The following PLCXD3 variants were observed in gnomAD, a reference collection of about 807,000 sequenced individuals.
PLCXD3 encodes PI-PLC X domain-containing protein 3.
A neutral mutation model predicts 25.5 loss-of-function variants in PLCXD3; 19 were observed. The ratio of observed to expected loss-of-function variants is 0.75; its 90% CI spans 0.52 to 1.09. The LOEUF is 1.09. Among genes scored for constraint, PLCXD3 ranks in the 50% least tolerant of loss-of-function variants. The pLI is 0.00. For missense variants in PLCXD3, 411 were observed against 388.1 expected, an observed-to-expected ratio of 1.06 and a Z score of -0.50; for synonymous variants, 174 against 137.6, an observed-to-expected ratio of 1.26 and a Z score of -1.85.
intron 1 of PLCXD3, among the ~76,000 whole-genome samples, chr5:41,489,322 G>C (rs1748597060): frequency 6.6e-6 from 1 of 152,054 alleles, no homozygotes; most frequent in South Asian, 2.1e-4. Flanking sequence ...ATGCTGTTTT[G>C]GTTACTGTAG....
chr5:41,318,974 C>G (rs1743381204), intron 2 of PLCXD3, among the ~76,000 whole-genome samples: 2 of 152,122 alleles, frequency 1.3e-5, no homozygotes, highest in Admixed American at 1.3e-4. Context: ...ATACTTATAT[C>G]AGACAAAATA....
At chr5:41,340,914 C>A (rs558714594) in intron 2 of PLCXD3, among the ~76,000 whole-genome samples, 2 of 152,070 alleles carry the variant, frequency 1.3e-5, no homozygotes, top group African/African-American at 2.4e-5. Flanking sequence ...AGGTCTTACT[C>A]CTGGCATTGA....
intron 2 of PLCXD3, among the ~76,000 whole-genome samples, chr5:41,317,858 C>A (rs111362065): frequency 1.1e-4 from 17 of 151,738 alleles, no homozygotes; most frequent in Non-Finnish European, 2.4e-4. Flanking sequence ...TGAAGCATGC[C>A]TACAGGATGC....
intron 2 of PLCXD3, among the ~76,000 whole-genome samples, chr5:41,378,083 A>G (rs926606266): frequency 2.0e-5 from 3 of 152,126 alleles, no homozygotes; most frequent in African/African-American, 7.2e-5. Context: ...CATAGGCTTC[A>G]TCACTTGGTA....
chr5:41,425,286 T>A (rs897097291), intron 1 of PLCXD3, among the ~76,000 whole-genome samples: 2 of 152,150 alleles, frequency 1.3e-5, no homozygotes, highest in Admixed American at 6.5e-5. Flanking sequence ...TAAAAGTGAA[T>A]CTGTCTCTTG....
chr5:41,380,153 T>G (rs1041805091), intron 2 of PLCXD3, among the ~76,000 whole-genome samples: 1 of 152,094 alleles, frequency 6.6e-6, no homozygotes, highest in East Asian at 1.9e-4. Context: ...TTACTCATGC[T>G]TTAAATTCAG....
In PLCXD3 at chr5:41,313,753, A is replaced by C; in HGVS notation, c.830T>G (p.Met277Arg). The change falls in exon 3 of 3, where the codon ATG becomes AGG. Residue 277 changes from methionine to arginine, a missense_variant. By Grantham distance (91) the Met-to-Arg change is moderately conservative. Transcript: ENST00000377801. ...TITERALPAMMQWVRTQKPGE... is the reference protein window; with the variant it reads ...TITERALPAMRQWVRTQKPGE... Reference sequence around the variant, plus strand: ...TGGCTTCTGCGTGCGGACCCACTGCATCATGGCAGGAAGAGCTCTGAGAAA... The same window carrying C: ...TGGCTTCTGCGTGCGGACCCACTGCCTCATGGCAGGAAGAGCTCTGAGAAA... The C allele has an allele frequency of 6.2e-7, 1 of 1,603,098 alleles. No individual in the cohort carries two copies. Among genetic ancestry groups the C allele is most frequent in the Non-Finnish European group, 8.5e-7 (1 of 1,174,994 alleles).
At chr5:41,433,895 A>G (rs1438526274) in intron 1 of PLCXD3, among the ~76,000 whole-genome samples, 2 of 152,142 alleles carry the variant, frequency 1.3e-5, no homozygotes, top group Admixed American at 1.3e-4. Context: ...CCCTCCTCTA[A>G]TCTTGTTCCA....
intron 2 of PLCXD3, among the ~76,000 whole-genome samples, chr5:41,317,682 A>G (rs1384385173): frequency 1.3e-5 from 2 of 152,066 alleles, no homozygotes. Context: ...ATAATTAAAA[A>G]GAGTCAAGCA....
chr5:41,414,052 T>G (rs1283164985), intron 1 of PLCXD3, among the ~76,000 whole-genome samples: 1 of 151,820 alleles, frequency 6.6e-6, no homozygotes, highest in Non-Finnish European at 1.5e-5. Context: ...AGTAGAAAGG[T>G]CTGGGCCTAA....
intron 2 of PLCXD3, among the ~76,000 whole-genome samples, chr5:41,316,875 C>T (rs1416814265): frequency 6.6e-6 from 1 of 152,142 alleles, no homozygotes; most frequent in Admixed American, 6.5e-5. Flanking sequence ...AGGTTTTTGG[C>T]TCTACTCCCT....
At chr5:41,423,119 A>G (rs1031079941) in intron 1 of PLCXD3, among the ~76,000 whole-genome samples, 2 of 152,120 alleles carry the variant, frequency 1.3e-5, no homozygotes, top group Non-Finnish European at 2.9e-5. Flanking sequence ...ACATTAATAG[A>G]TATTCTAATT....
chr5:41,453,355 C>CT (rs1167250089), intron 1 of PLCXD3, among the ~76,000 whole-genome samples: 264 of 144,036 alleles, frequency 1.8e-3, no homozygotes, highest in East Asian at 4.3e-3. Flanking sequence ...CATTCTCTGT[C>CT]TTTTTTTTTT....
chr5:41,446,998 G>A (rs1027626034), intron 1 of PLCXD3, among the ~76,000 whole-genome samples: 2 of 152,232 alleles, frequency 1.3e-5, no homozygotes, highest in African/African-American at 4.8e-5. Flanking sequence ...GGCTATTAAT[G>A]TTCAGAAATA....
chr5:41,445,650 C>T (rs1340682985), intron 1 of PLCXD3, among the ~76,000 whole-genome samples: 2 of 151,990 alleles, frequency 1.3e-5, no homozygotes, highest in Admixed American at 6.6e-5. Context: ...AAGTAAGATG[C>T]AAGAGAAAGT....
intron 1 of PLCXD3, among the ~76,000 whole-genome samples, chr5:41,502,248 T>C (rs573697366): frequency 5.3e-5 from 8 of 152,218 alleles, no homozygotes; most frequent in Admixed American, 4.6e-4. Context: ...AGATGCATTG[T>C]GGGTTCAATG....
intron 2 of PLCXD3, among the ~76,000 whole-genome samples, chr5:41,318,832 T>G (rs1227005221): frequency 7.2e-5 from 11 of 152,024 alleles, no homozygotes; most frequent in Non-Finnish European, 1.5e-4. Flanking sequence ...CAAGACCCAA[T>G]GATCTATTGC....
intron 2 of PLCXD3, among the ~76,000 whole-genome samples, chr5:41,330,096 T>G (rs1743750398): frequency 6.6e-6 from 1 of 152,082 alleles, no homozygotes; most frequent in African/African-American, 2.4e-5. Context: ...TATCTTTTAT[T>G]GAATGAAATA....
rs561720015 is a variant in PLCXD3, at chr5:41,311,230, A to G, written c.*2387T>C. The G allele has an allele frequency of 6.6e-6, 1 of 152,294 alleles. No individual in the cohort carries two copies. Among genetic ancestry groups the G allele is most frequent in the South Asian group, 2.1e-4 (1 of 4,832 alleles). The allele number at this position is 152,294 out of a possible 1,614,324, so 9.4% of individuals were successfully genotyped here. On this transcript the variant is annotated 3_prime_UTR_variant, in exon 3 of 3. Coordinates refer to ENST00000377801, the MANE Select transcript of PLCXD3 (RefSeq NM_001005473.3). ...AATTTACGGGACATACATTTCAATA[A>G]TCCTAATCATTTTAAAAGGATTCAT...
Sources: gnomAD v4.1 joint callset for allele counts (sites outside exome capture counted in the v4.1 genomes callset) on GRCh38, gnomAD v4.1.1 for gene constraint, MANE v1.5 for transcripts, NCBI Gene and HGNC (gene_info 2026-07-23, HGNC 2026-07-21) for gene names.